The following PRICKLE1 variants were observed in gnomAD, a reference collection of about 807,000 sequenced individuals.
The protein encoded by PRICKLE1 is prickle planar cell polarity protein 1.
Under a neutral mutation model 70.2 loss-of-function variants are expected in PRICKLE1, and 14 were observed. The ratio of observed to expected loss-of-function variants is 0.20; its 90% CI spans 0.13 to 0.31. The LOEUF is 0.31. Among genes scored for constraint, PRICKLE1 ranks in the 10% least tolerant of loss-of-function variants. PRICKLE1 has a pLI of 1.00. For missense variants in PRICKLE1, 821 were observed against 1,026.2 expected (o/e 0.80, Z 2.73); for synonymous variants, 357 against 379.9 (o/e 0.94, Z 0.70).
intron 1 of PRICKLE1, among the ~76,000 whole-genome samples, chr12:42,545,214 G>A (rs1024845797): frequency 1.3e-5 from 2 of 152,102 alleles, no homozygotes; most frequent in East Asian, 3.9e-4. Context: ...ATGTTGCCCA[G>A]GGTAGTCTAG....
intron 1 of PRICKLE1, among the ~76,000 whole-genome samples, chr12:42,561,474 T>C (rs926530961): frequency 1.3e-5 from 2 of 152,214 alleles, no homozygotes; most frequent in Non-Finnish European, 2.9e-5. Context: ...ACTGATGGCA[T>C]TTATCTTCTA....
rs554227471 is a variant in PRICKLE1 at position 42,512,934 on chromosome 12, C to T, written c.-48-40370G>A. ...AGATGGCATCCCAATGCCTTAGAGC[C>T]CACTTTGCCCTAAGGCATTATTATT... On this transcript the variant is annotated intron_variant, in intron 1 of 7. Coordinates refer to ENST00000345127, the MANE Select transcript of PRICKLE1 (RefSeq NM_153026.3). Among the ~76,000 whole-genome samples the T allele has an allele frequency of 3.4e-5, 5 of 149,054 alleles. No individual in the cohort carries two copies. In the South Asian group the frequency reaches 1.1e-3, roughly 33 times the overall value.
intron 1 of PRICKLE1, among the ~76,000 whole-genome samples, chr12:42,566,786 T>G (rs954724824): frequency 2.0e-5 from 3 of 152,192 alleles, no homozygotes; most frequent in Non-Finnish European, 4.4e-5. Flanking sequence ...TGACTCTCAC[T>G]GGGGTTAATA....
intron 1 of PRICKLE1, among the ~76,000 whole-genome samples, chr12:42,549,215 T>C (rs1321289195): frequency 2.0e-5 from 3 of 150,980 alleles, no homozygotes; most frequent in Non-Finnish European, 4.4e-5. Context: ...TAATGAACAA[T>C]TTGCTACCCG....
chr12:42,486,792 T>C (rs1480616021), intron 1 of PRICKLE1, among the ~76,000 whole-genome samples: 1 of 152,214 alleles, frequency 6.6e-6, no homozygotes, highest in Non-Finnish European at 1.5e-5. Flanking sequence ...TTGAAAGGAT[T>C]TATAACTACT....
chr12:42,548,824 TAAG>T (rs772362117), intron 1 of PRICKLE1, among the ~76,000 whole-genome samples: 1 of 152,086 alleles, frequency 6.6e-6, no homozygotes, highest in Non-Finnish European at 1.5e-5. Context: ...TCACTTGGTT[TAAG>T]AAGAAGGGTG....
At chr12:42,537,344 T>C (rs1940032259) in intron 1 of PRICKLE1, among the ~76,000 whole-genome samples, 2 of 151,996 alleles carry the variant, frequency 1.3e-5, no homozygotes, top group Non-Finnish European at 2.9e-5. Context: ...AAAATTTTTT[T>C]TGGAGAGACA....
chr12:42,459,141 A>G lies in PRICKLE1; in HGVS notation c.*668T>C. ...CAAACGGCTTACAATTCAGGGATAT[A>G]AAAATATCAGCTTTAAAATCTGAAC... On this transcript the variant is annotated 3_prime_UTR_variant, in exon 8 of 8. Transcript: ENST00000345127. The G allele has an allele frequency of 1.8e-6, 1 of 546,912 alleles. No homozygotes were observed. Among genetic ancestry groups the G allele is most frequent in the South Asian group, 2.8e-5 (1 of 35,842 alleles). The allele number at this position is 546,912 out of a possible 1,614,324, so 33.9% of individuals were successfully genotyped here. A position where few individuals can be genotyped will look rare whatever the true frequency, so the allele number is the denominator to read the frequency against.
intron 1 of PRICKLE1, among the ~76,000 whole-genome samples, chr12:42,530,964 C>T (rs1231773024): frequency 1.3e-5 from 2 of 151,304 alleles, no homozygotes; most frequent in African/African-American, 4.9e-5. Flanking sequence ...AGCCACCGTG[C>T]CCAGCCATCA....
intron 1 of PRICKLE1, among the ~76,000 whole-genome samples, chr12:42,521,599 C>G (rs552564682): frequency 1.3e-5 from 2 of 151,892 alleles, no homozygotes; most frequent in Non-Finnish European, 2.9e-5. Context: ...ACTCTGGAGG[C>G]TGAGGTCGGG....
chr12:42,490,703 G>T (rs1194808283), intron 1 of PRICKLE1, among the ~76,000 whole-genome samples: 2 of 152,148 alleles, frequency 1.3e-5, no homozygotes, highest in Admixed American at 1.3e-4. Flanking sequence ...GGGGTGGCAG[G>T]AGGGACCCAG....
At chr12:42,479,582 T>C (rs999108719) in intron 1 of PRICKLE1, among the ~76,000 whole-genome samples, 4 of 152,244 alleles carry the variant, frequency 2.6e-5, no homozygotes, top group Admixed American at 1.3e-4. Flanking sequence ...CATCCTTATA[T>C]TTAAAGTTGT....
intron 1 of PRICKLE1, among the ~76,000 whole-genome samples, chr12:42,571,091 A>C (rs1254207218): frequency 6.6e-6 from 1 of 152,214 alleles, no homozygotes; most frequent in Admixed American, 6.5e-5. Context: ...TTAGTTTTCT[A>C]GGCTTTATTA....
rs200884313 is a variant in PRICKLE1 at position 42,568,288 on chromosome 12, CCTCAGCCTCCCAA to C, written c.-49+21164_-49+21176del. On this transcript the variant is annotated intron_variant, in intron 1 of 7. Coordinates refer to ENST00000345127, the MANE Select transcript of PRICKLE1 (RefSeq NM_153026.3). ...CTTTCAGGCTTAAGTCATCCTCCCA[CCTCAGCCTCCCAA>C]GTAGCTGGGACCACAGGTGCATGCC... Among the ~76,000 whole-genome samples the C allele has an allele frequency of 2.6e-3, 392 of 152,344 alleles. 4 individuals are homozygous for C. The highest frequency in any genetic ancestry group is 0.023 in the East Asian group (118 of 5,184).
At chr12:42,532,753 C>T (rs1362680072) in intron 1 of PRICKLE1, among the ~76,000 whole-genome samples, 2 of 152,040 alleles carry the variant, frequency 1.3e-5, no homozygotes, top group African/African-American at 4.8e-5. Flanking sequence ...AAAAATTAGC[C>T]GCACGCTGTG....
In PRICKLE1 at chr12:42,470,359, T is replaced by G; in HGVS notation, c.133A>C (p.Ile45Leu). 6.3e-7 allele frequency: 1 copy of G among 1,591,578 alleles called. No homozygotes were observed. The highest frequency in any genetic ancestry group is 8.6e-7 in the Non-Finnish European group (1 of 1,159,632). The change falls in exon 3 of 8, where the codon ATC becomes CTC. Residue 45 changes from isoleucine (I) to leucine (L), a missense_variant and splice_region_variant. By Grantham distance (5) the Ile-to-Leu change is conservative (BLOSUM62 2). Coordinates refer to ENST00000345127, the MANE Select transcript of PRICKLE1 (RefSeq NM_153026.3). ...WVPPGLRPEQ[I>L]QLYFACLPEE... ...GGTAAGCAAGCAAAATAGAGCTGGA[T>G]CTGCAAAAGAGACAGTGAGAATGGC...
chr12:42,579,020 C>T (rs1262810357), intron 1 of PRICKLE1, among the ~76,000 whole-genome samples: 1 of 152,176 alleles, frequency 6.6e-6, no homozygotes, highest in Admixed American at 6.5e-5. Context: ...ACTTCGGCCT[C>T]CCAAAGTGCT....
intron 1 of PRICKLE1, among the ~76,000 whole-genome samples, chr12:42,532,276 G>C (rs542580538): frequency 3.7e-4 from 56 of 152,210 alleles, no homozygotes; most frequent in Non-Finnish European, 8.1e-4. Context: ...TCTATGTACA[G>C]GTGGTCAATG....
At chr12:42,542,736 A>G (rs1940139159) in intron 1 of PRICKLE1, among the ~76,000 whole-genome samples, 1 of 152,220 alleles carries the variant, frequency 6.6e-6, no homozygotes. Flanking sequence ...ACCAGGATCC[A>G]ATAAGGTTGT....
Sources: allele counts gnomAD v4.1 joint callset (sites outside exome capture counted in the v4.1 genomes callset), GRCh38; gene constraint gnomAD v4.1.1; transcripts MANE v1.5; gene names NCBI Gene and HGNC (gene_info 2026-07-23, HGNC 2026-07-21).